The following WRN variants were observed in gnomAD, a reference collection of about 807,000 sequenced individuals.
WRN encodes WRN RecQ like helicase.
Under a neutral mutation model 180.7 loss-of-function variants are expected in WRN, and 149 were observed. The observed-to-expected ratio is 0.82, with a 90% confidence interval of 0.72 to 0.94. The LOEUF is 0.94. WRN is among the 40% of genes least tolerant of loss of function. The pLI, the probability that WRN is intolerant of heterozygous loss-of-function variation, is 0.00. For synonymous variants in WRN, 548 were observed against 568.9 expected (o/e 0.96, Z 0.52); for missense variants, 1,661 against 1,700.1 (o/e 0.98, Z 0.40).
At chr8:31,083,928 T>C (rs1350184781) in intron 10 of WRN, 149 bp downstream of exon 10, 1 of 890,362 alleles carries the variant, frequency 1.1e-6, no homozygotes, top group African/African-American at 1.7e-5. Context: ...CCAATTCATG[T>C]TTCTTTCATG....
chr8:31,090,636 A>C lies in WRN; in HGVS notation c.1720+104A>C, dbSNP rs7840006. 1.5e-5 allele frequency: 18 copies of C among 1,231,510 alleles called. No individual in the cohort carries two copies. The African/African-American group carries it at 2.4e-4, about 17-fold the overall frequency. 76.3% of individuals were successfully genotyped at this position (1,231,510 alleles called of 1,614,324 possible). On this transcript the variant is annotated intron_variant, in intron 14 of 34. Coordinates refer to ENST00000298139, the MANE Select transcript of WRN (RefSeq NM_000553.6). The stretch of plus-strand genomic sequence containing the variant: ...ACTCTCAAAATACAAATGCAACTAC[A>C]AATGATGTAAACTATAGAAGAGAGT...
At chr8:31,137,323 T>C (rs941602656) in intron 24 of WRN, among the ~76,000 whole-genome samples, 2 of 152,142 alleles carry the variant, frequency 1.3e-5, no homozygotes, top group African/African-American at 4.8e-5. Flanking sequence ...TTTTTTATGC[T>C]TATGAAAGGA....
intron 1 of WRN, among the ~76,000 whole-genome samples, chr8:31,052,034 T>G (rs1302110644): frequency 6.6e-6 from 1 of 152,250 alleles, no homozygotes; most frequent in East Asian, 1.9e-4. Flanking sequence ...TGTTTATGAC[T>G]TCTTTGCTAT....
intron 33 of WRN, among the ~76,000 whole-genome samples, chr8:31,158,379 T>C (rs1803472531): frequency 1.3e-5 from 2 of 149,934 alleles, no homozygotes; most frequent in African/African-American, 4.9e-5. Context: ...TTGCTTGCCC[T>C]GTAGAAATAT....
At chr8:31,044,460 G>A (rs188762661) in intron 1 of WRN, among the ~76,000 whole-genome samples, 1,734 of 143,846 alleles carry the variant, frequency 0.012, 30 homozygotes, top group Admixed American at 0.047. Context: ...AGGTTCAAGC[G>A]ATTCTCCTGC....
intron 21 of WRN, 54 bp from the exon 22 acceptor site, chr8:31,124,464 AAAGT>A (rs1801841284): frequency 1.5e-6 from 2 of 1,332,552 alleles, no homozygotes; most frequent in South Asian, 1.3e-5. Flanking sequence ...AGTAAAAAAA[AAAGT>A]AAGAAAGTTG....
chr8:31,172,564 C>T (rs11574408), intron 34 of WRN, among the ~76,000 whole-genome samples: 24,416 of 152,220 alleles, frequency 0.16, 2,188 homozygotes, highest in South Asian at 0.25. Context: ...TGTCTACCTA[C>T]CGTTGTAGAT....
In WRN at chr8:31,099,264, C is replaced by T. The variant is rs184546837; in HGVS notation, c.1982-1585C>T. Among the ~76,000 whole-genome samples the T allele has an allele frequency of 1.7e-3, 263 of 152,030 alleles. 1 individual carries two copies. Among genetic ancestry groups the T allele is most frequent in the African/African-American group, 5.9e-3 (244 of 41,488 alleles). On this transcript the variant is annotated intron_variant, in intron 17 of 34. Transcript: ENST00000298139. Reference sequence around the variant, plus strand: ...ATACAAAAAGAAAAAATTAGCCGGGCATGGTGGTGGGTGCCTGTAGTCCCA... The same window carrying T: ...ATACAAAAAGAAAAAATTAGCCGGGTATGGTGGTGGGTGCCTGTAGTCCCA...
At chr8:31,127,771 A>G (rs1426300278) in intron 23 of WRN, among the ~76,000 whole-genome samples, 1 of 152,004 alleles carries the variant, frequency 6.6e-6, no homozygotes, top group Non-Finnish European at 1.5e-5. Context: ...ATAAATAAAA[A>G]AAATTAGCTA....
At chr8:31,102,717 G>C (rs1800926095) in intron 18 of WRN, among the ~76,000 whole-genome samples, 2 of 152,174 alleles carry the variant, frequency 1.3e-5, no homozygotes, top group South Asian at 4.1e-4. Flanking sequence ...GAGTGAGGGA[G>C]TGGCGAGTGA....
In WRN at chr8:31,174,402, CT is replaced by C. The variant is rs1804205017; in HGVS notation, c.*1307del. On this transcript the variant is annotated 3_prime_UTR_variant, in exon 35 of 35. Transcript: ENST00000298139. ...TTTGAGTTGCCAATTGAATTTGCTG[CT>C]TTTTTTCATGGCTTGCCATTTTCAC... is the stretch of plus-strand genomic sequence containing the variant. 1.3e-5 allele frequency among the ~76,000 whole-genome samples: 2 copies of C among 152,132 alleles called. No individual in the cohort carries two copies. The highest frequency in any genetic ancestry group is 1.3e-4 in the Admixed American group (2 of 15,272).
rs776286762 is a variant in WRN, at chr8:31,141,452, A to G, written c.2990A>G (p.Gln997Arg). 6.2e-7 allele frequency: 1 copy of G among 1,614,186 alleles called. No individual in the cohort carries two copies. Among genetic ancestry groups the G allele is most frequent in the Non-Finnish European group, 8.5e-7 (1 of 1,180,030 alleles). ...RGSNSQRLAD[Q>R]YRRHSLFGTG... ...CAGAATTCTCAGCGTCTTGCCGATC[A>G]ATATCGCAGGCACAGTTTATTTGGC... Residue 997 changes from glutamine to arginine, a missense_variant, in exon 25 of 35, where the codon CAA becomes CGA. Gln to Arg is a conservative substitution (Grantham distance 43). Coordinates refer to ENST00000298139, the MANE Select transcript of WRN (RefSeq NM_000553.6).
chr8:31,161,581 G>A (rs1189125998), intron 33 of WRN, among the ~76,000 whole-genome samples: 1 of 152,196 alleles, frequency 6.6e-6, no homozygotes, highest in Non-Finnish European at 1.5e-5. Flanking sequence ...GCTCACGCCT[G>A]TAATCCCAGC....
intron 1 of WRN, among the ~76,000 whole-genome samples, chr8:31,042,028 G>A (rs544135927): frequency 2.0e-5 from 3 of 152,316 alleles, no homozygotes; most frequent in Admixed American, 6.5e-5. Flanking sequence ...GACTGCCCAA[G>A]GGGTGAGGAC....
chr8:31,091,987 G>A (rs773432832), intron 16 of WRN, 89 bp downstream of exon 16: 92 of 1,217,328 alleles, frequency 7.6e-5, no homozygotes, highest in Non-Finnish European at 1.1e-4. Context: ...ATGTTGCTGA[G>A]GAAGTTGTGA....
intron 30 of WRN, among the ~76,000 whole-genome samples, chr8:31,149,451 A>G (rs1803010156): frequency 2.4e-5 from 3 of 124,124 alleles, no homozygotes; most frequent in East Asian, 2.4e-4. Context: ...ACTTTAATAG[A>G]GGTGTTTTTT....
intron 5 of WRN, among the ~76,000 whole-genome samples, chr8:31,065,858 C>T (rs908938258): frequency 6.7e-6 from 1 of 149,208 alleles, no homozygotes; most frequent in Admixed American, 6.7e-5. Context: ...TAATCCATGT[C>T]TTGGCATAGA....
In WRN at chr8:31,058,546, ATGT is replaced by A. The variant is rs1485724087; in HGVS notation, c.96+8_96+10del. 1.2e-6 allele frequency: 2 copies of A among 1,613,006 alleles called. No homozygotes were observed. Among genetic ancestry groups the A allele is most frequent in the East Asian group, 4.5e-5 (2 of 44,792 alleles). ...GATGTGCTGTAGAAGAAAGAAAGGT[ATGT>A]TGTTCATTGACTATTCTTTTGGGTG... On this transcript the variant is annotated splice_donor_5th_base_variant and intron_variant, in intron 2 of 34. Coordinates refer to ENST00000298139, the MANE Select transcript of WRN (RefSeq NM_000553.6).
At chr8:31,103,011 T>G (rs866249645) in intron 18 of WRN, among the ~76,000 whole-genome samples, 18 of 152,154 alleles carry the variant, frequency 1.2e-4, no homozygotes, top group African/African-American at 3.6e-4. Context: ...ATTTTATTAT[T>G]TTTATTTTTA....
Sources: allele counts gnomAD v4.1 joint callset (sites outside exome capture counted in the v4.1 genomes callset), GRCh38; gene constraint gnomAD v4.1.1; transcripts MANE v1.5; gene names NCBI Gene and HGNC (gene_info 2026-07-23, HGNC 2026-07-21).